The following FOXP1 variants were observed in gnomAD, a reference collection of about 807,000 sequenced individuals.
The protein encoded by FOXP1 is forkhead box P1.
FOXP1 carries 15 observed loss-of-function variants against 98.2 expected under a neutral mutation model. The observed-to-expected ratio is 0.15, with a 90% CI of 0.10 to 0.24. The LOEUF (loss-of-function observed/expected upper bound fraction) is 0.24. FOXP1 is among the 10% of genes least tolerant of loss of function. The pLI, the probability that FOXP1 is intolerant of heterozygous loss-of-function variation, is 1.00. For missense variants in FOXP1, 633 were observed against 848.5 expected (o/e 0.75, Z 3.15); for synonymous variants, 371 against 314.5 (o/e 1.18, Z -1.90).
Position 71,427,336 on chromosome 3 carries a change from G to A in FOXP1, c.-168+66090C>T, listed in dbSNP as rs76449569. ...AAGCATTTCACACAGAGCAAAAGGA[G>A]CAGGGACACACGCGCAGGAGAGTGT... On this transcript the variant is annotated intron_variant, in intron 3 of 20. Transcript: ENST00000649528. 5.2e-3 allele frequency among the ~76,000 whole-genome samples: 796 copies of A among 152,280 alleles called. 10 individuals carry two copies. The highest frequency in any genetic ancestry group is 0.018 in the African/African-American group (748 of 41,552).
intron 7 of FOXP1, among the ~76,000 whole-genome samples, chr3:71,077,719 T>A (rs1342995668): frequency 2.0e-5 from 3 of 152,238 alleles, no homozygotes; most frequent in Non-Finnish European, 4.4e-5. Flanking sequence ...AAAGATTTCA[T>A]GAATTTATAA....
intron 9 of FOXP1, among the ~76,000 whole-genome samples, chr3:71,048,363 C>A (rs2049333900): frequency 6.6e-6 from 1 of 152,144 alleles, no homozygotes; most frequent in Non-Finnish European, 1.5e-5. Flanking sequence ...TATATCAAGA[C>A]CTTCTGATGC....
At chr3:71,222,257 C>T (rs945230817) in intron 5 of FOXP1, among the ~76,000 whole-genome samples, 1 of 152,090 alleles carries the variant, frequency 6.6e-6, no homozygotes, top group African/African-American at 2.4e-5. Context: ...CGCTGGCGGT[C>T]CCTGGACACA....
At chr3:71,231,185 C>T (rs2066257737) in intron 5 of FOXP1, among the ~76,000 whole-genome samples, 1 of 152,088 alleles carries the variant, frequency 6.6e-6, no homozygotes, top group African/African-American at 2.4e-5. Context: ...TTAAATGAAC[C>T]ATGAATCAAT....
At chr3:71,156,668 G>T (rs1424527104) in intron 6 of FOXP1, among the ~76,000 whole-genome samples, 1 of 152,224 alleles carries the variant, frequency 6.6e-6, no homozygotes, top group Non-Finnish European at 1.5e-5. Context: ...TTTCTAATGG[G>T]CAGAGGCCAT....
At chr3:71,011,323 T>C (rs528712072) in intron 12 of FOXP1, among the ~76,000 whole-genome samples, 1 of 152,238 alleles carries the variant, frequency 6.6e-6, no homozygotes, top group South Asian at 2.1e-4. Flanking sequence ...GGGCACATCA[T>C]GGTGATTGGC....
chr3:71,345,871 T>TAAAAAAAAAAAAAAAAAAAAAAAAA lies in FOXP1; in HGVS notation c.-73+13254_-73+13278dup, dbSNP rs71120316. ...AGGTTTGAAATCAATAAAGTTTTTG[T>TAAAAAAAAAAAAAAAAAAAAAAAAA]AAAAAAAAAAAAAAAAAAAAAAAAA... On this transcript the variant is annotated intron_variant, in intron 4 of 20. Coordinates refer to ENST00000649528, the MANE Select transcript of FOXP1 (RefSeq NM_001349338.3). Among the ~76,000 whole-genome samples the TAAAAAAAAAAAAAAAAAAAAAAAAA allele has an allele frequency of 8.5e-4, 47 of 55,098 alleles. 1 individual carries two copies. Among genetic ancestry groups the TAAAAAAAAAAAAAAAAAAAAAAAAA allele is most frequent in the Non-Finnish European group, 1.3e-3 (39 of 29,650 alleles). The allele number at this position is 55,098 out of a possible 152,430, so 36.1% of individuals were successfully genotyped here. A position where few individuals can be genotyped will look rare whatever the true frequency, so the allele number is the denominator to read the frequency against.
chr3:71,355,292 G>T (rs886098477), intron 4 of FOXP1, among the ~76,000 whole-genome samples: 1 of 152,202 alleles, frequency 6.6e-6, no homozygotes, highest in Non-Finnish European at 1.5e-5. Context: ...TGCTAGCCAT[G>T]GAGAAGCCAC....
chr3:71,474,894 A>G (rs901028408), intron 3 of FOXP1, among the ~76,000 whole-genome samples: 1 of 151,946 alleles, frequency 6.6e-6, no homozygotes, highest in Non-Finnish European at 1.5e-5. Flanking sequence ...CCATGGAAAA[A>G]CCGTCTCCCA....
intron 6 of FOXP1, among the ~76,000 whole-genome samples, chr3:71,135,895 G>T (rs539772994): frequency 1.2e-4 from 19 of 152,246 alleles, no homozygotes; most frequent in African/African-American, 4.6e-4. Flanking sequence ...CATCGACTAT[G>T]CCTTCTTTAC....
chr3:71,020,286 T>C (rs943054849), intron 11 of FOXP1, among the ~76,000 whole-genome samples: 1 of 152,236 alleles, frequency 6.6e-6, no homozygotes, highest in Admixed American at 6.5e-5. Context: ...AAATCCAGTA[T>C]ATATTCAGTA....
intron 6 of FOXP1, among the ~76,000 whole-genome samples, chr3:71,138,048 G>T (rs572275883): frequency 9.7e-4 from 148 of 152,164 alleles, no homozygotes; most frequent in African/African-American, 3.0e-3. Flanking sequence ...TCAGATTTAG[G>T]CTGGATCTCT....
intron 2 of FOXP1, among the ~76,000 whole-genome samples, chr3:71,534,347 A>C (rs1435112317): frequency 6.6e-6 from 1 of 151,888 alleles, no homozygotes; most frequent in Admixed American, 6.6e-5. Context: ...CTAGGCAAAA[A>C]CTCTGTCAAA....
chr3:71,019,034 T>A (rs1464158232), intron 11 of FOXP1, among the ~76,000 whole-genome samples: 1 of 152,212 alleles, frequency 6.6e-6, no homozygotes, highest in Admixed American at 6.5e-5. Context: ...GCAGTCGTTC[T>A]GTATGAAGCA....
intron 12 of FOXP1, 116 bp from the exon 13 acceptor site, chr3:71,001,175 G>A (rs1396214304): frequency 8.1e-6 from 6 of 744,180 alleles, no homozygotes; most frequent in Non-Finnish European, 1.4e-5. Context: ...GGAGATAGTA[G>A]TCCAGGGGGT....
At chr3:71,090,433 G>A (rs553219354) in intron 7 of FOXP1, among the ~76,000 whole-genome samples, 1 of 152,216 alleles carries the variant, frequency 6.6e-6, no homozygotes, top group South Asian at 2.1e-4. Context: ...CCCTTGGGGG[G>A]AAAAAGTAAC....
intron 3 of FOXP1, among the ~76,000 whole-genome samples, chr3:71,403,955 T>A (rs1376235589): frequency 6.6e-6 from 1 of 152,202 alleles, no homozygotes; most frequent in Non-Finnish European, 1.5e-5. Flanking sequence ...GAAAAGAATG[T>A]AAAATTCCAT....
intron 20 of FOXP1, among the ~76,000 whole-genome samples, chr3:70,964,729 C>T (rs1424898080): frequency 6.6e-6 from 1 of 152,130 alleles, no homozygotes; most frequent in African/African-American, 2.4e-5. Flanking sequence ...AGATACTGTT[C>T]ATATAAATTA....
intron 6 of FOXP1, among the ~76,000 whole-genome samples, chr3:71,157,511 G>T (rs1375598147): frequency 6.6e-6 from 1 of 152,172 alleles, no homozygotes; most frequent in Non-Finnish European, 1.5e-5. Flanking sequence ...GAATATGGTT[G>T]TAAAGGTGAA....
Sources: gnomAD v4.1 joint callset for allele counts (sites outside exome capture counted in the v4.1 genomes callset) on GRCh38, gnomAD v4.1.1 for gene constraint, MANE v1.5 for transcripts, NCBI Gene and HGNC (gene_info 2026-07-23, HGNC 2026-07-21) for gene names.